PRELID2: variants seen among roughly 807,000 people sequenced by gnomAD.
The protein encoded by PRELID2 is PRELI domain-containing protein 2.
A neutral mutation model predicts 28.4 loss-of-function variants in PRELID2; 25 were observed. The ratio of observed to expected loss-of-function variants is 0.88; its 90% CI spans 0.64 to 1.23. The LOEUF is 1.23. Ranked by LOEUF, PRELID2 falls within the 50% of genes most tolerant of loss-of-function variation. The pLI, the probability that PRELID2 is intolerant of heterozygous loss-of-function variation, is 0.00. For synonymous variants in PRELID2, 76 were observed against 71.6 expected, an observed-to-expected ratio of 1.06 and a Z score of -0.31; for missense variants, 201 against 214.4, an observed-to-expected ratio of 0.94 and a Z score of 0.39.
At chr5:145,437,277 A>G in the PRELID2 span, 2 of 152,190 alleles carry the variant, frequency 1.3e-5, no homozygotes, top group African/African-American at 2.4e-5. Flanking sequence ...AGGCATGCAT[A>G]TAAGTGCAGT....
intron 1 of PRELID2, among the ~76,000 whole-genome samples, chr5:145,513,512 T>C (rs1752484610): frequency 6.6e-6 from 1 of 152,088 alleles, no homozygotes; most frequent in Admixed American, 6.5e-5. Context: ...CTACGTTTGA[T>C]TGGTGTACTG....
intron 5 of PRELID2, 68 bp downstream of exon 5, chr5:145,796,374 C>A: frequency 1.0e-6 from 1 of 981,980 alleles, no homozygotes; most frequent in East Asian, 2.5e-5. Flanking sequence ...GAGTCTTATT[C>A]AATAACCCTA....
At chr5:145,573,472 A>T (rs1212066356) in intron 1 of PRELID2, among the ~76,000 whole-genome samples, 1 of 151,862 alleles carries the variant, frequency 6.6e-6, no homozygotes, top group Non-Finnish European at 1.5e-5. Flanking sequence ...TGCATCAGGT[A>T]TTTGTCCTAA....
At chr5:145,367,698 A>T in the PRELID2 span, among the ~76,000 whole-genome samples, 1 of 151,964 alleles carries the variant, frequency 6.6e-6, no homozygotes, top group African/African-American at 2.4e-5. Context: ...AGTAATTGGA[A>T]TAATACAGTG....
the PRELID2 span, among the ~76,000 whole-genome samples, chr5:145,271,676 T>A: frequency 6.6e-6 from 1 of 152,120 alleles, no homozygotes; most frequent in East Asian, 1.9e-4. Flanking sequence ...TCCTTCCTGG[T>A]TTTGGAAAGT....
In PRELID2 at chr5:145,827,910, G is replaced by A. The variant is rs995560889; in HGVS notation, c.76-4776C>T. 8.5e-5 allele frequency among the ~76,000 whole-genome samples: 13 copies of A among 152,168 alleles called. No individual in the cohort carries two copies. In the South Asian group the frequency reaches 1.0e-3, roughly 12 times the overall value. On this transcript the variant is annotated intron_variant, in intron 1 of 6. Coordinates refer to ENST00000683046, the MANE Select transcript of PRELID2 (RefSeq NM_205846.3). Reference sequence around the variant, plus strand: ...GACAAAATCTAAATAGGGTCTATAGGTTAGTTAATAGCATTGTATCAGTGT... The same window carrying A: ...GACAAAATCTAAATAGGGTCTATAGATTAGTTAATAGCATTGTATCAGTGT...
At chr5:145,543,684 G>T (rs1021531752) in intron 1 of PRELID2, among the ~76,000 whole-genome samples, 6 of 152,072 alleles carry the variant, frequency 3.9e-5, no homozygotes, top group Admixed American at 2.0e-4. Flanking sequence ...GAAATATGGA[G>T]AGATTAATGA....
chr5:145,357,800 T>C, the PRELID2 span, among the ~76,000 whole-genome samples: 1 of 152,144 alleles, frequency 6.6e-6, no homozygotes, highest in Non-Finnish European at 1.5e-5. Context: ...CTGTGGTTGT[T>C]TGGAGTTAAA....
At chr5:145,500,171 A>G (rs1388240352) in intron 1 of PRELID2, among the ~76,000 whole-genome samples, 1 of 152,150 alleles carries the variant, frequency 6.6e-6, no homozygotes, top group Non-Finnish European at 1.5e-5. Context: ...TATAATGCCC[A>G]GTGTTGGAGG....
the PRELID2 span, among the ~76,000 whole-genome samples, chr5:145,394,906 A>G: frequency 6.6e-6 from 1 of 152,140 alleles, no homozygotes; most frequent in Admixed American, 6.6e-5. Context: ...TGTAGAGAAC[A>G]CTTAATCTCT....
At chr5:145,743,603 A>AT (rs1554088459) in intron 1 of PRELID2, among the ~76,000 whole-genome samples, 2 of 151,290 alleles carry the variant, frequency 1.3e-5, no homozygotes, top group Non-Finnish European at 1.5e-5. Flanking sequence ...GGGAATCCCC[A>AT]CCCCCCAGCC....
chr5:145,818,904 C>T (rs542168708), intron 3 of PRELID2, among the ~76,000 whole-genome samples: 102 of 152,280 alleles, frequency 6.7e-4, no homozygotes, highest in African/African-American at 2.3e-3. Flanking sequence ...TGAATTGTAG[C>T]TCCCATAATC....
intron 1 of PRELID2, among the ~76,000 whole-genome samples, chr5:145,618,984 C>A (rs1658581391): frequency 6.6e-6 from 1 of 152,104 alleles, no homozygotes; most frequent in Admixed American, 6.5e-5. Context: ...CAGTCACAGG[C>A]CTCACCCAGC....
the PRELID2 span, among the ~76,000 whole-genome samples, chr5:145,390,873 G>A: frequency 6.6e-6 from 1 of 152,276 alleles, no homozygotes; most frequent in Non-Finnish European, 1.5e-5. Flanking sequence ...TTCCAAATGA[G>A]AGAAATTAGC....
chr5:145,341,350 A>G, the PRELID2 span, among the ~76,000 whole-genome samples: 3 of 152,150 alleles, frequency 2.0e-5, no homozygotes, highest in Non-Finnish European at 4.4e-5. Flanking sequence ...AAAACAATAC[A>G]AAAAACTTAG....
intron 1 of PRELID2, among the ~76,000 whole-genome samples, chr5:145,485,829 A>G (rs1171506678): frequency 2.0e-5 from 3 of 152,214 alleles, no homozygotes; most frequent in Non-Finnish European, 4.4e-5. Flanking sequence ...GATCAAGACA[A>G]ATGCAAAGAA....
the PRELID2 span, among the ~76,000 whole-genome samples, chr5:145,347,905 A>T: frequency 2.0e-5 from 3 of 152,130 alleles, no homozygotes; most frequent in African/African-American, 7.2e-5. Flanking sequence ...GTTTACCCCT[A>T]GCAGAACTAT....
chr5:145,290,133 C>A, the PRELID2 span, among the ~76,000 whole-genome samples: 1 of 152,088 alleles, frequency 6.6e-6, no homozygotes, highest in Non-Finnish European at 1.5e-5. Flanking sequence ...GAAATAGGAA[C>A]GCTTTTACAC....
intron 1 of PRELID2, among the ~76,000 whole-genome samples, chr5:145,704,450 G>T (rs914927136): frequency 1.6e-4 from 25 of 152,266 alleles, no homozygotes; most frequent in Admixed American, 2.6e-4. Flanking sequence ...CAACAGTCTG[G>T]TGTACTCAAA....
Sources: allele counts gnomAD v4.1 joint callset (sites outside exome capture counted in the v4.1 genomes callset), GRCh38; gene constraint gnomAD v4.1.1; transcripts MANE v1.5; gene names NCBI Gene and HGNC (gene_info 2026-07-23, HGNC 2026-07-21).